The following DRC11 variants were observed in gnomAD, a reference collection of about 807,000 sequenced individuals.
The protein encoded by DRC11 is dynein regulatory complex subunit 11.
the DRC11 span, among the ~76,000 whole-genome samples, chr2:236,444,070 T>C: frequency 8.5e-5 from 13 of 152,158 alleles, no homozygotes; most frequent in African/African-American, 3.1e-4. Context: ...TTTAAGTTCC[T>C]TGTAGACTCT....
At chr2:236,371,546 G>C in the DRC11 span, among the ~76,000 whole-genome samples, 2 of 152,140 alleles carry the variant, frequency 1.3e-5, no homozygotes, top group Non-Finnish European at 1.5e-5. This position sits in a 1 kb window ranked among gnomAD's most constrained non-coding sequence, Gnocchi z 5.1. Flanking sequence ...TAGGAAGTCT[G>C]CAATGCCGTG....
the DRC11 span, among the ~76,000 whole-genome samples, chr2:236,413,842 T>C: frequency 1.9e-4 from 29 of 152,326 alleles, no homozygotes; most frequent in African/African-American, 5.8e-4. This position sits in a 1 kb window ranked among gnomAD's most constrained non-coding sequence, Gnocchi z 4.0. Flanking sequence ...AGGAAACAGT[T>C]GTAAGGATGA....
At chr2:236,322,239 T>TC in the DRC11 span, among the ~76,000 whole-genome samples, 5 of 141,072 alleles carry the variant, frequency 3.5e-5, no homozygotes, top group African/African-American at 1.3e-4. Context: ...CTTTTTTTTT[T>TC]TTTTTTTTTT....
At chr2:236,410,364 C>T in the DRC11 span, among the ~76,000 whole-genome samples, 2 of 152,254 alleles carry the variant, frequency 1.3e-5, no homozygotes, top group South Asian at 2.1e-4. Context: ...AGGAATTTAT[C>T]CATTTCAACC....
the DRC11 span, among the ~76,000 whole-genome samples, chr2:236,504,999 T>A: frequency 6.6e-6 from 1 of 152,236 alleles, no homozygotes; most frequent in Non-Finnish European, 1.5e-5. The surrounding 1 kb of genome is among the most constrained non-coding windows in gnomAD (Gnocchi z 5.0). Flanking sequence ...AACAGACTAA[T>A]ACAGATGGAA....
At chr2:236,405,086 A>T in the DRC11 span, among the ~76,000 whole-genome samples, 2 of 152,144 alleles carry the variant, frequency 1.3e-5, no homozygotes, top group Admixed American at 6.5e-5. This position sits in a 1 kb window ranked among gnomAD's most constrained non-coding sequence, Gnocchi z 4.6. Flanking sequence ...ATTAGCTTTC[A>T]ATGTATGAAT....
At chr2:236,331,573 C>T in the DRC11 span, 63 of 1,613,628 alleles carry the variant, frequency 3.9e-5, no homozygotes, top group African/African-American at 3.5e-4. This position sits in a 1 kb window ranked among gnomAD's most constrained non-coding sequence, Gnocchi z 4.8. Flanking sequence ...TCCTCCATTG[C>T]GTTCAATGAT....
At chr2:236,416,762 TATATATAA>T in the DRC11 span, among the ~76,000 whole-genome samples, 19 of 93,334 alleles carry the variant, frequency 2.0e-4, no homozygotes, top group African/African-American at 5.0e-4. Flanking sequence ...TATATATATA[TATATATAA>T]ATAATTTTGC....
chr2:236,355,288 C>T, the DRC11 span, among the ~76,000 whole-genome samples: 3 of 152,306 alleles, frequency 2.0e-5, no homozygotes, highest in African/African-American at 2.4e-5. Flanking sequence ...CACTGTGGGG[C>T]GGGGAGAGTG....
the DRC11 span, among the ~76,000 whole-genome samples, chr2:236,371,300 C>T: frequency 6.6e-6 from 1 of 152,116 alleles, no homozygotes; most frequent in African/African-American, 2.4e-5. This position sits in a 1 kb window ranked among gnomAD's most constrained non-coding sequence, Gnocchi z 5.1. Context: ...CCTCTGTTGT[C>T]AAGGTGTTAA....
At chr2:236,317,038 G>A in the DRC11 span, among the ~76,000 whole-genome samples, 2 of 152,212 alleles carry the variant, frequency 1.3e-5, no homozygotes, top group Non-Finnish European at 2.9e-5. This position sits in a 1 kb window ranked among gnomAD's most constrained non-coding sequence, Gnocchi z 5.4. Context: ...GCTCACGCCT[G>A]TAATCCCAGC....
At chr2:236,493,034 A>G in the DRC11 span, among the ~76,000 whole-genome samples, 2 of 152,330 alleles carry the variant, frequency 1.3e-5, no homozygotes, top group South Asian at 4.1e-4. Flanking sequence ...CTTACCTGAG[A>G]CTGGGCAATT....
chr2:236,478,031 G>GTGTGTT, the DRC11 span, among the ~76,000 whole-genome samples: 25 of 148,224 alleles, frequency 1.7e-4, no homozygotes, highest in East Asian at 4.7e-3. This position sits in a 1 kb window ranked among gnomAD's most constrained non-coding sequence, Gnocchi z 5.9. Flanking sequence ...GTGTGTGTGT[G>GTGTGTT]TTTTAGTCTC....
chr2:236,451,362 C>CATAT, the DRC11 span, among the ~76,000 whole-genome samples: 733 of 149,036 alleles, frequency 4.9e-3, 4 homozygotes, highest in African/African-American at 0.014. Flanking sequence ...AAACACTTTA[C>CATAT]ATATATATAT....
chr2:236,414,504 T>C, the DRC11 span, among the ~76,000 whole-genome samples: 1 of 152,202 alleles, frequency 6.6e-6, no homozygotes, highest in Non-Finnish European at 1.5e-5. Context: ...TTTTTTGTTT[T>C]TAGTACAGAT....
chr2:236,430,464 C>T, the DRC11 span, among the ~76,000 whole-genome samples: 2 of 152,156 alleles, frequency 1.3e-5, no homozygotes, highest in Non-Finnish European at 2.9e-5. The surrounding 1 kb of genome is among the most constrained non-coding windows in gnomAD (Gnocchi z 6.0). Context: ...TCTTGTTCTG[C>T]GTTTTTCACC....
At chr2:236,399,411 AC>A in the DRC11 span, 1 of 1,613,094 alleles carries the variant, frequency 6.2e-7, no homozygotes, top group Non-Finnish European at 8.5e-7. This position sits in a 1 kb window ranked among gnomAD's most constrained non-coding sequence, Gnocchi z 7.0. Flanking sequence ...TCCTAAACTG[AC>A]CTTTGTATGC....
the DRC11 span, among the ~76,000 whole-genome samples, chr2:236,501,867 C>CT: frequency 6.6e-6 from 1 of 152,186 alleles, no homozygotes; most frequent in Admixed American, 6.5e-5. Context: ...AGAAAACAGA[C>CT]TGCAGCTCCA....
At chr2:236,480,583 T>A in the DRC11 span, among the ~76,000 whole-genome samples, 1 of 152,210 alleles carries the variant, frequency 6.6e-6, no homozygotes, top group African/African-American at 2.4e-5. Context: ...AGAAGTTATT[T>A]CAATATCTTT....
Sources: allele counts gnomAD v4.1 joint callset (sites outside exome capture counted in the v4.1 genomes callset), GRCh38; gene constraint gnomAD v4.1.1; non-coding constraint Gnocchi (gnomAD v3.1); transcripts MANE v1.5; gene names NCBI Gene and HGNC (gene_info 2026-07-23, HGNC 2026-07-21).